Variants in SPC25 observed in about 807,000 individuals in gnomAD.
SPC25 encodes the protein SPC25 component of NDC80 kinetochore complex.
In SPC25, 22 loss-of-function variants were observed where a neutral mutation model predicts 29.6. The ratio of observed to expected loss-of-function variants is 0.74; its 90% confidence interval spans 0.53 to 1.06. The LOEUF is 1.06. SPC25 is among the 50% of genes least tolerant of loss of function. The pLI is 0.00. For missense variants in SPC25, 230 were observed against 255.8 expected (o/e 0.90, Z 0.69); for synonymous variants, 91 against 90.4 (o/e 1.01, Z -0.04).
rs148400484 is a variant in SPC25, at chr2:168,873,646, A to T, written c.489T>A (p.Pro163=). The T allele has an allele frequency of 6.2e-7, 1 of 1,611,722 alleles. No homozygotes were observed. The highest frequency in any genetic ancestry group is 1.3e-5 in the African/African-American group (1 of 74,962). Residue 163 remains proline, a synonymous_variant, in exon 6 of 7, where the codon CCT becomes CCA. Coordinates refer to ENST00000282074, the MANE Select transcript of SPC25 (RefSeq NM_020675.4). The part of the protein sequence containing the change: ...KLQFIFTNID[P]KNPESPFMFS... ...ACATAAATGGGCTCTCAGGATTCTT[A>T]GGGTCAATATTAGTGAAAATAAACT...
chr2:168,861,776 G>A (rs541566617), intron 4 of SPC25, among the ~76,000 whole-genome samples: 3 of 152,272 alleles, frequency 2.0e-5, no homozygotes, highest in South Asian at 4.1e-4. Flanking sequence ...CATACATATA[G>A]AAAGTGCATC....
chr2:168,863,917 A>ATTT (rs556775882), intron 4 of SPC25, among the ~76,000 whole-genome samples: 3 of 147,728 alleles, frequency 2.0e-5, no homozygotes, highest in African/African-American at 7.4e-5. Flanking sequence ...ATCTTTTTTT[A>ATTT]TTTTTTTTTT....
chr2:168,865,836 A>G (rs1689832687), intron 4 of SPC25, among the ~76,000 whole-genome samples: 1 of 152,216 alleles, frequency 6.6e-6, no homozygotes, highest in Admixed American at 6.5e-5. Context: ...TAACAGACAA[A>G]CAGAGAGCCA....
intron 3 of SPC25, among the ~76,000 whole-genome samples, chr2:168,887,845 T>A (rs1446317464): frequency 1.3e-5 from 2 of 152,188 alleles, no homozygotes; most frequent in Non-Finnish European, 2.9e-5. Flanking sequence ...AGGCTGTGAT[T>A]TCCAACGTGA....
At chr2:168,874,173 C>CA (rs1236390900) in intron 5 of SPC25, among the ~76,000 whole-genome samples, 1 of 152,090 alleles carries the variant, frequency 6.6e-6, no homozygotes, top group Non-Finnish European at 1.5e-5. Flanking sequence ...GCCGAAACTA[C>CA]AATGAGATAC....
intron 6 of SPC25, 72 bp from the exon 7 acceptor site, chr2:168,871,627 C>T (rs1168753397): frequency 7.3e-7 from 1 of 1,362,262 alleles, no homozygotes; most frequent in East Asian, 2.4e-5. Context: ...TATTTCTAAT[C>T]TAGATGCTCT....
intron 4 of SPC25, chr2:168,865,132 C>T (rs1689784910): frequency 7.9e-6 from 6 of 757,792 alleles, no homozygotes; most frequent in Non-Finnish European, 2.1e-6. Flanking sequence ...TAGCTTGAAA[C>T]AGTCAGAAAA....
chr2:168,887,867 T>A (rs778583762), intron 3 of SPC25, among the ~76,000 whole-genome samples: 4 of 152,248 alleles, frequency 2.6e-5, no homozygotes, highest in Admixed American at 2.0e-4. Context: ...AACAAACTCA[T>A]CTTTTAAAAA....
rs1690086503 is a variant in SPC25, at chr2:168,876,324, G to A, written c.347-148C>T. The A allele has an allele frequency of 8.5e-6, 5 of 586,542 alleles. No individual in the cohort carries two copies. In the South Asian group the frequency reaches 1.7e-4, roughly 20 times the overall value. 36.3% of individuals were successfully genotyped at this position (586,542 alleles called of 1,614,324 possible). A position where few individuals can be genotyped will look rare whatever the true frequency, so the allele number is the denominator to read the frequency against. On this transcript the variant is annotated intron_variant, in intron 4 of 6. Coordinates refer to ENST00000282074, the MANE Select transcript of SPC25 (RefSeq NM_020675.4). The stretch of plus-strand genomic sequence containing the variant: ...TTTATTGTTTCTATATCTACCAGTT[G>A]GCTAAAAGAAGCTTCTGTTCATTCA...
chr2:168,861,696 T>C (rs943553461), intron 4 of SPC25, among the ~76,000 whole-genome samples: 5 of 152,234 alleles, frequency 3.3e-5, no homozygotes, highest in Non-Finnish European at 7.3e-5. Flanking sequence ...TATTATACAA[T>C]GATGTTTTTC....
intron 3 of SPC25, chr2:168,884,772 G>T (rs1269886491): frequency 1.3e-5 from 2 of 151,976 alleles, no homozygotes; most frequent in Admixed American, 6.6e-5. Context: ...TTAATCTGAT[G>T]ATCTGGGGCA....
Position 168,870,898 on chromosome 2 carries a change from A to G in SPC25, c.*533T>C, listed in dbSNP as rs1689966822. The G allele has an allele frequency of 1.3e-5, 2 of 151,692 alleles. No individual in the cohort carries two copies. The highest frequency in any genetic ancestry group is 3.4e-3 in the Middle Eastern group (1 of 294). 9.4% of individuals were successfully genotyped at this position (151,692 alleles called of 1,614,324 possible). Reference sequence around the variant, plus strand: ...TTATAAATCATGCTGCTATAAAGACACATGCACACGTATGTTTATTTCGGC... The same window carrying G: ...TTATAAATCATGCTGCTATAAAGACGCATGCACACGTATGTTTATTTCGGC... On this transcript the variant is annotated 3_prime_UTR_variant, in exon 7 of 7. Coordinates refer to ENST00000282074, the MANE Select transcript of SPC25 (RefSeq NM_020675.4).
In SPC25 at chr2:168,863,635, A is replaced by AT. The variant is rs1334704943; in HGVS notation, n.419+9949dup. 2.8e-5 allele frequency: 27 copies of AT among 981,100 alleles called. No homozygotes were observed. The Admixed American group carries it at 9.6e-4, about 35-fold the overall frequency. The allele number at this position is 981,100 out of a possible 1,614,324, so 60.8% of individuals were successfully genotyped here. Reference sequence around the variant, plus strand: ...TCTAAGTTGTTGAATGGGGAGTTACATTTTGAATGGGGAGTTACATTTCTG... The same window carrying AT: ...TCTAAGTTGTTGAATGGGGAGTTACATTTTTGAATGGGGAGTTACATTTCTG... On this transcript the variant is annotated intron_variant and non_coding_transcript_variant, in intron 4 of 4. Transcript: ENST00000479309.
chr2:168,868,832 G>A (rs9752978), downstream of SPC25, among the ~76,000 whole-genome samples: 47,405 of 151,984 alleles, frequency 0.31, 8,327 homozygotes, highest in East Asian at 0.58. Context: ...TAGAAAAAGA[G>A]GGAATCCTCC....
chr2:168,871,597 G>GT (rs753272277), intron 6 of SPC25, 42 bp from the exon 7 acceptor site: 9 of 1,511,980 alleles, frequency 6.0e-6, no homozygotes, highest in Non-Finnish European at 8.0e-6. Context: ...ATTAGAATGA[G>GT]TTTTTTTATG....
chr2:168,864,823 T>G, intron 4 of SPC25: 2 of 1,613,652 alleles, frequency 1.2e-6, no homozygotes, highest in Non-Finnish European at 1.7e-6. Context: ...TGTCTAACTG[T>G]ATTTTCACAG....
At chr2:168,863,410 G>C in intron 4 of SPC25, 1 of 984,882 alleles carries the variant, frequency 1.0e-6, no homozygotes, top group Non-Finnish European at 1.2e-6. Context: ...GTGAAAGGAA[G>C]ACTGAAAAAT....
chr2:168,869,491 T>A (rs1402606033), downstream of SPC25, among the ~76,000 whole-genome samples: 138 of 152,328 alleles, frequency 9.1e-4, 1 homozygote, highest in Non-Finnish European at 7.3e-5. Context: ...CTTAAGCTGA[T>A]AAGCAACTTC....
intron 4 of SPC25, among the ~76,000 whole-genome samples, chr2:168,864,402 C>T (rs1276470601): frequency 1.3e-5 from 2 of 152,114 alleles, no homozygotes; most frequent in African/African-American, 2.4e-5. Context: ...TCTCCTGCCT[C>T]AGCCTCCTGA....
Sources: allele counts gnomAD v4.1 joint callset (sites outside exome capture counted in the v4.1 genomes callset), GRCh38; gene constraint gnomAD v4.1.1; transcripts MANE v1.5; gene names NCBI Gene and HGNC (gene_info 2026-07-23, HGNC 2026-07-21).